NEO1: variants seen among roughly 807,000 people sequenced by gnomAD.
NEO1 encodes neogenin.
In NEO1, 63 loss-of-function variants were observed where a neutral mutation model predicts 159.7. That is an observed-to-expected ratio of 0.39 (90% CI 0.32 to 0.49). NEO1 has a LOEUF of 0.49. Ranked by LOEUF, NEO1 falls within the 20% of genes least tolerant of loss-of-function variation. The pLI is 0.85. For missense variants in NEO1, 1,615 were observed against 1,831.0 expected, an observed-to-expected ratio of 0.88 and a Z score of 2.15; for synonymous variants, 633 against 662.0, an observed-to-expected ratio of 0.96 and a Z score of 0.67.
chr15:73,141,380 C>T (rs2032369494), intron 5 of NEO1, among the ~76,000 whole-genome samples: 1 of 152,156 alleles, frequency 6.6e-6, no homozygotes, highest in Non-Finnish European at 1.5e-5. Flanking sequence ...CCTGGAGTTT[C>T]TACACATGCA....
chr15:73,120,136 A>G (rs2071554309), intron 2 of NEO1, among the ~76,000 whole-genome samples: 1 of 151,886 alleles, frequency 6.6e-6, no homozygotes, highest in African/African-American at 2.4e-5. Context: ...ACTCTGTCTC[A>G]TAAAAAAAAT....
At chr15:73,228,485 A>T (rs2038721974) in intron 7 of NEO1, among the ~76,000 whole-genome samples, 1 of 145,812 alleles carries the variant, frequency 6.9e-6, no homozygotes. Flanking sequence ...TTTTTATCAG[A>T]TACATGATTT....
At chr15:73,239,966 G>A (rs981900716) in intron 8 of NEO1, among the ~76,000 whole-genome samples, 4 of 152,112 alleles carry the variant, frequency 2.6e-5, no homozygotes, top group Admixed American at 6.5e-5. Flanking sequence ...CTGGTACAGC[G>A]TCAGTAAGTA....
intron 27 of NEO1, among the ~76,000 whole-genome samples, chr15:73,300,472 G>A (rs761770960): frequency 7.9e-5 from 12 of 152,214 alleles, no homozygotes; most frequent in Non-Finnish European, 1.6e-4. Context: ...GCTCACGCTT[G>A]TAATCCCAGC....
chr15:73,141,446 T>A (rs982853399), intron 5 of NEO1, among the ~76,000 whole-genome samples: 1 of 152,224 alleles, frequency 6.6e-6, no homozygotes, highest in Non-Finnish European at 1.5e-5. Context: ...TTGATAACAC[T>A]TAAAATGGGT....
intron 5 of NEO1, among the ~76,000 whole-genome samples, chr15:73,146,036 T>C (rs961407144): frequency 2.6e-5 from 4 of 152,182 alleles, no homozygotes; most frequent in Admixed American, 6.5e-5. Context: ...CTCCTTCCAC[T>C]CCCTTGCCTG....
At position 73,260,327 on chromosome 15, in the gene NEO1, A is replaced by G. The variant is rs764095963; in HGVS notation, c.2260A>G (p.Ile754Val). The G allele has an allele frequency of 1.4e-5, 22 of 1,613,890 alleles. 1 individual carries two copies. The South Asian group carries it at 1.4e-4, about 10-fold the overall frequency. ...TCACGTACGCCCGCTCGTTACTAGCATCGTAGTGAGCTGGACTCCTCCAGA... is the reference window on the plus strand; with the variant it reads ...TCACGTACGCCCGCTCGTTACTAGCGTCGTAGTGAGCTGGACTCCTCCAGA... ...SLHVRPLVTS[I>V]VVSWTPPENQ... Residue 754 changes from isoleucine (I) to valine (V), a missense_variant, in exon 15 of 29, where the codon ATC becomes GTC. By Grantham distance (29) the Ile-to-Val change is conservative. This residue lies in a region of NEO1 where 1,018 missense variants were observed against 1,115.4 expected (regional missense o/e 0.91). Transcript: ENST00000261908.
intron 19 of NEO1, among the ~76,000 whole-genome samples, 173 bp downstream of exon 19, chr15:73,272,735 G>A (rs772655836): frequency 1.3e-5 from 2 of 152,152 alleles, no homozygotes; most frequent in South Asian, 2.1e-4. Context: ...TGTGCTGGTC[G>A]CCCATAGCGG....
intron 7 of NEO1, among the ~76,000 whole-genome samples, chr15:73,193,003 T>C (rs371092964): frequency 2.8e-4 from 42 of 152,094 alleles, no homozygotes; most frequent in African/African-American, 9.4e-4. Flanking sequence ...TATAAACTTT[T>C]TGAGTTTTTA....
chr15:73,148,653 GCA>G, intron 5 of NEO1, among the ~76,000 whole-genome samples: 1 of 152,170 alleles, frequency 6.6e-6, no homozygotes, highest in Admixed American at 6.5e-5. Context: ...TATCAGAGCA[GCA>G]CAGTTACCCT....
chr15:73,245,443 A>C (rs2039738407), intron 9 of NEO1, among the ~76,000 whole-genome samples: 2 of 152,194 alleles, frequency 1.3e-5, no homozygotes, highest in African/African-American at 2.4e-5. Context: ...TGTATATCTT[A>C]AGTTTGGATT....
intron 7 of NEO1, among the ~76,000 whole-genome samples, chr15:73,213,010 C>G (rs1453700447): frequency 1.8e-5 from 2 of 108,244 alleles, no homozygotes; most frequent in Non-Finnish European, 4.1e-5. Context: ...CTATTAATAG[C>G]AGTGTTTTGG....
At chr15:73,145,861 T>C (rs1022730189) in intron 5 of NEO1, among the ~76,000 whole-genome samples, 1 of 152,164 alleles carries the variant, frequency 6.6e-6, no homozygotes, top group African/African-American at 2.4e-5. Flanking sequence ...AAGGATCATT[T>C]TTCTTCTAAG....
chr15:73,197,094 T>C (rs2152037100), intron 7 of NEO1, among the ~76,000 whole-genome samples: 1 of 152,310 alleles, frequency 6.6e-6, no homozygotes, highest in East Asian at 1.9e-4. Flanking sequence ...CAACGGTGGC[T>C]CACACCTGTA....
chr15:73,291,363 ATTCT>A (rs1475703544), intron 25 of NEO1, among the ~76,000 whole-genome samples: 1 of 152,136 alleles, frequency 6.6e-6, no homozygotes, highest in African/African-American at 2.4e-5. Context: ...AGTTGATATC[ATTCT>A]TCTTTTTTTG....
chr15:73,138,615 G>T (rs1004282054), intron 5 of NEO1, among the ~76,000 whole-genome samples: 1 of 152,098 alleles, frequency 6.6e-6, no homozygotes, highest in African/African-American at 2.4e-5. Flanking sequence ...AAATTAGCCG[G>T]CGTAGTGGCG....
At chr15:73,131,355 A>G (rs1198603561) in intron 4 of NEO1, among the ~76,000 whole-genome samples, 2 of 152,258 alleles carry the variant, frequency 1.3e-5, no homozygotes, top group African/African-American at 4.8e-5. Flanking sequence ...ACGAAGAAAG[A>G]GGTCTCCTCA....
intron 13 of NEO1, among the ~76,000 whole-genome samples, chr15:73,258,327 A>G (rs1411765791): frequency 6.6e-6 from 1 of 152,250 alleles, no homozygotes; most frequent in Non-Finnish European, 1.5e-5. Flanking sequence ...GAGGTAACTC[A>G]ATAGGAGTTA....
intron 3 of NEO1, among the ~76,000 whole-genome samples, chr15:73,125,287 T>C (rs2030042566): frequency 6.6e-6 from 1 of 152,214 alleles, no homozygotes; most frequent in Non-Finnish European, 1.5e-5. Context: ...TGGATTAATG[T>C]CAGTCATAGA....
Sources: gnomAD v4.1 joint callset for allele counts (sites outside exome capture counted in the v4.1 genomes callset) on GRCh38, gnomAD v4.1.1 for gene constraint, gnomAD v4.1.1 regional missense constraint, MANE v1.5 for transcripts, NCBI Gene and HGNC (gene_info 2026-07-23, HGNC 2026-07-21) for gene names.